Variants in ATP2B2 observed in about 807,000 individuals in gnomAD.
The protein encoded by ATP2B2 is ATPase plasma membrane Ca2+ transporting 2.
ATP2B2 carries 15 observed loss-of-function variants against 120.0 expected under a neutral mutation model. The observed-to-expected ratio is 0.12, with a 90% CI of 0.08 to 0.19. The LOEUF is 0.19. Among genes scored for constraint, ATP2B2 ranks in the 10% least tolerant of loss-of-function variants. The pLI, the probability that ATP2B2 is intolerant of heterozygous loss-of-function variation, is 1.00. For missense variants in ATP2B2, 1,045 were observed against 1,719.8 expected (o/e 0.61, Z 6.94); for synonymous variants, 694 against 700.3 (o/e 0.99, Z 0.14).
rs564143713 is a variant in ATP2B2, at chr3:10,530,284, C to T, written c.-320+3755G>A. Among the ~76,000 whole-genome samples the T allele has an allele frequency of 3.9e-5, 6 of 152,330 alleles. No homozygotes were observed. In the South Asian group the frequency reaches 8.3e-4, roughly 21 times the overall value. ...AGCTGGGCATATCCTATTTTCTCTT[C>T]CATCGAATCCTTCCGACATCCTCAA... On this transcript the variant is annotated intron_variant, in intron 3 of 21. Coordinates refer to the ATP2B2 transcript ENST00000646379.
chr3:10,606,893 A>ACACACACACACG (rs1300578131), intron 2 of ATP2B2, among the ~76,000 whole-genome samples: 62 of 36,204 alleles, frequency 1.7e-3, no homozygotes, highest in Middle Eastern at 0.05. Flanking sequence ...ACACACACAC[A>ACACACACACACG]CACACACACA....
At chr3:10,356,255 C>T (rs1488018168) in intron 14 of ATP2B2, among the ~76,000 whole-genome samples, 1 of 151,954 alleles carries the variant, frequency 6.6e-6, no homozygotes, top group Non-Finnish European at 1.5e-5. Flanking sequence ...CACTCAGCCA[C>T]TTTGGGCACA....
At chr3:10,439,851 G>C (rs2063599427) in intron 2 of ATP2B2, among the ~76,000 whole-genome samples, 1 of 108,892 alleles carries the variant, frequency 9.2e-6, no homozygotes, top group Non-Finnish European at 2.4e-5. Context: ...TGCCTCCCGG[G>C]TTCAAGTGAT....
At chr3:10,581,442 G>A (rs1360978357) in intron 2 of ATP2B2, among the ~76,000 whole-genome samples, 1 of 152,196 alleles carries the variant, frequency 6.6e-6, no homozygotes, top group Admixed American at 6.5e-5. Flanking sequence ...AGAGAACTGG[G>A]GCAAGGCAGG....
chr3:10,657,342 T>C (rs1212824628), intron 1 of ATP2B2, among the ~76,000 whole-genome samples: 1 of 152,260 alleles, frequency 6.6e-6, no homozygotes, highest in African/African-American at 2.4e-5. Flanking sequence ...TTCCCTGAGC[T>C]ACACAGGGTC....
chr3:10,553,679 C>G (rs2067717270), intron 2 of ATP2B2, among the ~76,000 whole-genome samples: 1 of 152,218 alleles, frequency 6.6e-6, no homozygotes, highest in Admixed American at 6.5e-5. Context: ...CTCCATAGGC[C>G]TGCTCTTGGA....
upstream of ATP2B2, among the ~76,000 whole-genome samples, chr3:10,505,844 A>G (rs1180078666): frequency 6.6e-6 from 1 of 150,846 alleles, no homozygotes; most frequent in Non-Finnish European, 1.5e-5. Flanking sequence ...TTGCGGTTTT[A>G]ATTCCTCCCG....
At chr3:10,573,939 C>T (rs2068186503) in intron 2 of ATP2B2, among the ~76,000 whole-genome samples, 1 of 152,120 alleles carries the variant, frequency 6.6e-6, no homozygotes, top group South Asian at 2.1e-4. Flanking sequence ...TCTCACTGGT[C>T]CTTCCCCAAA....
intron 1 of ATP2B2, among the ~76,000 whole-genome samples, chr3:10,642,379 G>T (rs1300786770): frequency 6.6e-6 from 1 of 152,204 alleles, no homozygotes; most frequent in African/African-American, 2.4e-5. Context: ...CCAGCCAGGG[G>T]CTAGGCACTG....
At chr3:10,645,741 C>G (rs1467620508) in intron 1 of ATP2B2, among the ~76,000 whole-genome samples, 1 of 152,192 alleles carries the variant, frequency 6.6e-6, no homozygotes, top group East Asian at 1.9e-4. Flanking sequence ...GTAAGCATGT[C>G]CCCTAAGGTC....
At chr3:10,706,807 C>T (rs568671176) in intron 1 of ATP2B2, among the ~76,000 whole-genome samples, 1 of 152,180 alleles carries the variant, frequency 6.6e-6, no homozygotes, top group East Asian at 1.9e-4. Flanking sequence ...AGAGGTCACA[C>T]AGCTAGTAAG....
chr3:10,521,554 G>A (rs2066985667), intron 3 of ATP2B2, among the ~76,000 whole-genome samples: 1 of 152,216 alleles, frequency 6.6e-6, no homozygotes, highest in Admixed American at 6.5e-5. Context: ...TAAGGACATT[G>A]TTAATCCCTC....
chr3:10,460,936 G>C (rs995557308), intron 1 of ATP2B2, among the ~76,000 whole-genome samples: 2 of 152,168 alleles, frequency 1.3e-5, no homozygotes, highest in Non-Finnish European at 2.9e-5. Flanking sequence ...AGGTGCCAGG[G>C]GATGTGTCTA....
chr3:10,442,025 T>C (rs140635331), intron 2 of ATP2B2, among the ~76,000 whole-genome samples: 6 of 152,246 alleles, frequency 3.9e-5, no homozygotes, highest in Non-Finnish European at 7.4e-5. Context: ...GCCTTCATAG[T>C]AAGAATCAGG....
At chr3:10,374,785 C>T (rs866761070) in intron 11 of ATP2B2, among the ~76,000 whole-genome samples, 3 of 152,326 alleles carry the variant, frequency 2.0e-5, no homozygotes, top group South Asian at 2.1e-4. Flanking sequence ...CAAGCTTCCC[C>T]GGAAAACATT....
chr3:10,359,806 G>A, intron 13 of ATP2B2, 76 bp downstream of exon 13: 1 of 1,601,672 alleles, frequency 6.2e-7, no homozygotes, highest in South Asian at 1.1e-5. Flanking sequence ...GGCGGCCAGT[G>A]CTATATGACC....
rs577534966 is a variant in ATP2B2, at chr3:10,467,371, C to T, written c.-319-17509G>A. On this transcript the variant is annotated intron_variant, in intron 1 of 22. Transcript: ENST00000360273. The stretch of plus-strand genomic sequence containing the variant: ...GACTCCTATTCACCCTTGAGAGCCC[C>T]GCTCCAGGGGCCCCTTCCTGAGTAA... Among the ~76,000 whole-genome samples, 15 of 152,324 alleles carry T rather than the reference C, an allele frequency of 9.8e-5. No individual in the cohort carries two copies. The East Asian group carries it at 2.3e-3, about 24-fold the overall frequency.
intron 1 of ATP2B2, among the ~76,000 whole-genome samples, chr3:10,656,374 C>A (rs1383820336): frequency 6.6e-6 from 1 of 152,184 alleles, no homozygotes; most frequent in African/African-American, 2.4e-5. Flanking sequence ...CTCTCAACAT[C>A]CCAGAGCACT....
At chr3:10,684,669 A>C (rs1220972118) in intron 1 of ATP2B2, among the ~76,000 whole-genome samples, 1 of 152,224 alleles carries the variant, frequency 6.6e-6, no homozygotes, top group East Asian at 1.9e-4. Flanking sequence ...TAAGCTCTGA[A>C]AGCAATTTCT....
Sources: allele counts gnomAD v4.1 joint callset (sites outside exome capture counted in the v4.1 genomes callset), GRCh38; gene constraint gnomAD v4.1.1; transcripts MANE v1.5; gene names NCBI Gene and HGNC (gene_info 2026-07-23, HGNC 2026-07-21).